DNAAF9: variants seen among roughly 807,000 people sequenced by gnomAD.
DNAAF9 encodes shulin.
Under a neutral mutation model 167.0 loss-of-function variants are expected in DNAAF9, and 90 were observed. That is an observed-to-expected ratio of 0.54 (90% CI 0.45 to 0.64). DNAAF9 has a LOEUF of 0.64. Ranked by LOEUF, DNAAF9 falls within the 30% of genes least tolerant of loss-of-function variation. DNAAF9 has a pLI of 0.00. For synonymous variants in DNAAF9, 491 were observed against 508.8 expected (o/e 0.96, Z 0.47); for missense variants, 1,315 against 1,442.2 (o/e 0.91, Z 1.43).
intron 30 of DNAAF9, among the ~76,000 whole-genome samples, chr20:3,270,082 C>T (rs553017994): frequency 4.6e-5 from 7 of 151,680 alleles, no homozygotes; most frequent in Non-Finnish European, 7.4e-5. Context: ...GATCCTCCCA[C>T]CTCAGCCACC....
chr20:3,401,931 A>G (rs146712308), intron 1 of DNAAF9, among the ~76,000 whole-genome samples: 1 of 152,314 alleles, frequency 6.6e-6, no homozygotes, highest in Non-Finnish European at 1.5e-5. Flanking sequence ...GGTAGAAGGG[A>G]CGCCAGCACG....
intron 12 of DNAAF9, among the ~76,000 whole-genome samples, chr20:3,329,303 G>A (rs949705710): frequency 6.6e-6 from 1 of 152,188 alleles, no homozygotes; most frequent in Non-Finnish European, 1.5e-5. Flanking sequence ...AAGTAGCTGG[G>A]AATACAGGCG....
chr20:3,254,730 G>T (rs1190927860), intron 35 of DNAAF9, among the ~76,000 whole-genome samples: 1 of 152,180 alleles, frequency 6.6e-6, no homozygotes, highest in Non-Finnish European at 1.5e-5. Context: ...AAACCCCTCA[G>T]GAAAAGGCCC....
chr20:3,321,164 C>T (rs2069608953), intron 16 of DNAAF9, among the ~76,000 whole-genome samples: 1 of 152,110 alleles, frequency 6.6e-6, no homozygotes. Context: ...CATGGCAGAC[C>T]CAGGTCCCTG....
In DNAAF9 at chr20:3,371,333, C is replaced by CTT. The variant is rs532202424; in HGVS notation, c.612+2713_612+2714dup. On this transcript the variant is annotated intron_variant, in intron 6 of 36. Transcript: ENST00000252032. ...ATTATTTTTGTTCCTTGAAGAAAAT[C>CTT]TTTTTTTTTTTTTTTTTTTTTTTTT... Among the ~76,000 whole-genome samples, 56 of 84,082 alleles carry CTT rather than the reference C, an allele frequency of 6.7e-4. 1 individual carries two copies. Among genetic ancestry groups the CTT allele is most frequent in the Non-Finnish European group, 9.7e-4 (44 of 45,390 alleles). The allele number at this position is 84,082 out of a possible 152,430, so 55.2% of individuals were successfully genotyped here.
intron 28 of DNAAF9, among the ~76,000 whole-genome samples, chr20:3,279,677 T>C (rs1419359082): frequency 6.6e-6 from 1 of 152,222 alleles, no homozygotes; most frequent in Non-Finnish European, 1.5e-5. Flanking sequence ...AACATGATCT[T>C]GCTCTGTCGT....
chr20:3,330,531 A>G lies in DNAAF9; in HGVS notation c.1100+115T>C, dbSNP rs3746629. The G allele has an allele frequency of 1.7e-3, 1,232 of 706,296 alleles. 16 individuals are homozygous for G. The East Asian group carries it at 0.025, about 14-fold the overall frequency. The allele number at this position is 706,296 out of a possible 1,614,324, so 43.8% of individuals were successfully genotyped here. On this transcript the variant is annotated intron_variant, in intron 12 of 36. Coordinates refer to ENST00000252032, the MANE Select transcript of DNAAF9 (RefSeq NM_001009984.3). ...TGTTGGGATTACAGTGTGCGCCACC[A>G]CACCCAGCAAAAGCAGATGTCTTAA...
chr20:3,397,394 C>A (rs2123294864), intron 1 of DNAAF9, among the ~76,000 whole-genome samples: 1 of 152,106 alleles, frequency 6.6e-6, no homozygotes, highest in African/African-American at 2.4e-5. Context: ...TCTTGGCTCA[C>A]TGCAGGCTCC....
Position 3,318,384 on chromosome 20 carries a change from T to C in DNAAF9, c.1373A>G (p.Tyr458Cys), listed in dbSNP as rs151180232. 130 of 1,585,802 alleles carry C rather than the reference T, an allele frequency of 8.2e-5. No homozygotes were observed. The highest frequency in any genetic ancestry group is 7.9e-4 in the African/African-American group (59 of 74,424). ...GCCTCCCAGTAAGTCAGGAATGTCA[T>C]AGACGGCCATACAAGCCTGCATTGA... Reference protein sequence around the residue: ...SFVKTACMAVYDIPDLLGGNG... With the variant: ...SFVKTACMAVCDIPDLLGGNG... Residue 458 changes from tyrosine to cysteine, a missense_variant, in exon 17 of 37, where the codon TAT (tyrosine) becomes TGT (cysteine). This residue lies in a region of DNAAF9 where 981 missense variants were observed against 1,012.5 expected (regional missense o/e 0.97). Transcript: ENST00000252032.
chr20:3,401,272 C>G (rs2083979520), intron 1 of DNAAF9, among the ~76,000 whole-genome samples: 1 of 152,070 alleles, frequency 6.6e-6, no homozygotes, highest in South Asian at 2.1e-4. Flanking sequence ...GTGGCGCGAT[C>G]TCAGCTCACT....
chr20:3,285,161 C>G (rs949481340), intron 27 of DNAAF9, among the ~76,000 whole-genome samples: 1 of 152,186 alleles, frequency 6.6e-6, no homozygotes, highest in East Asian at 1.9e-4. Flanking sequence ...ATTGCCCCAC[C>G]GCTTCACTAA....
At chr20:3,270,278 G>A (rs145632051) in intron 30 of DNAAF9, 149 bp downstream of exon 30, 1 of 666,844 alleles carries the variant, frequency 1.5e-6, no homozygotes, top group Non-Finnish European at 2.6e-6. Flanking sequence ...GAGTAGCTGG[G>A]ACTATAGGTG....
At chr20:3,402,062 A>C (rs1350776539) in intron 1 of DNAAF9, among the ~76,000 whole-genome samples, 1 of 152,086 alleles carries the variant, frequency 6.6e-6, no homozygotes, top group Non-Finnish European at 1.5e-5. Flanking sequence ...CCTTTCTTAC[A>C]CCTGCCTGAG....
chr20:3,377,987 A>T (rs2083598353), intron 3 of DNAAF9, among the ~76,000 whole-genome samples: 1 of 152,194 alleles, frequency 6.6e-6, no homozygotes, highest in Non-Finnish European at 1.5e-5. Flanking sequence ...TCAAATGTTG[A>T]CAGCAAGAAT....
rs182468527 is a variant in DNAAF9 at position 3,256,556 on chromosome 20, G to C, written c.3056-345C>G. Among the ~76,000 whole-genome samples, 321 of 152,290 alleles carry C rather than the reference G, an allele frequency of 2.1e-3. 1 individual carries two copies. Among genetic ancestry groups the C allele is most frequent in the African/African-American group, 7.3e-3 (303 of 41,542 alleles). ...AAAAGAAAGGATGGAGTAAGAGAGA[G>C]AGACAGAGAGGAACAAAATAAGTTT... On this transcript the variant is annotated intron_variant, in intron 33 of 36. Transcript: ENST00000252032.
intron 6 of DNAAF9, among the ~76,000 whole-genome samples, chr20:3,369,202 C>G (rs1040948760): frequency 6.7e-6 from 1 of 148,982 alleles, no homozygotes; most frequent in Non-Finnish European, 1.5e-5. Context: ...GGTTTTTTTT[C>G]CTCTTCCCAT....
chr20:3,291,468 C>T (rs6051720), intron 25 of DNAAF9, among the ~76,000 whole-genome samples: 16 of 151,908 alleles, frequency 1.1e-4, no homozygotes, highest in African/African-American at 2.9e-4. Flanking sequence ...CTCAGCCTCC[C>T]GAGTAGCTGG....
At chr20:3,350,848 C>T (rs1425108889) in intron 7 of DNAAF9, among the ~76,000 whole-genome samples, 1 of 152,066 alleles carries the variant, frequency 6.6e-6, no homozygotes, top group Non-Finnish European at 1.5e-5. Context: ...TGGATATAAA[C>T]ACATCAAATA....
At position 3,316,896 on chromosome 20, in the gene DNAAF9, T is replaced by C. The variant is rs1465338705; in HGVS notation, c.1469-103A>G. Reference sequence around the variant, plus strand: ...CTTCTCAGGAGCTAGGGTTCTTTTTTTTTTTTTTTTTTTTTTGAGACAGAA... The same window carrying C: ...CTTCTCAGGAGCTAGGGTTCTTTTTCTTTTTTTTTTTTTTTTGAGACAGAA... On this transcript the variant is annotated intron_variant, in intron 17 of 36. Coordinates refer to ENST00000252032, the MANE Select transcript of DNAAF9 (RefSeq NM_001009984.3). 8 of 615,508 alleles carry C rather than the reference T, an allele frequency of 1.3e-5. No homozygotes were observed. The African/African-American group carries it at 1.3e-4, about 10-fold the overall frequency. The allele number at this position is 615,508 out of a possible 1,614,324, so 38.1% of individuals were successfully genotyped here.
Sources: allele counts gnomAD v4.1 joint callset (sites outside exome capture counted in the v4.1 genomes callset), GRCh38; gene constraint gnomAD v4.1.1; regional missense constraint gnomAD v4.1.1; transcripts MANE v1.5; gene names NCBI Gene and HGNC (gene_info 2026-07-23, HGNC 2026-07-21).